KLF8: variants seen among roughly 807,000 people sequenced by gnomAD.
KLF8 encodes Krueppel-like factor 8.
KLF8 carries 10 observed loss-of-function variants against 18.2 expected under a neutral mutation model. That is an observed-to-expected ratio of 0.55 (90% CI 0.34 to 0.93). KLF8 has a LOEUF of 0.93. Ranked by LOEUF, KLF8 falls within the 40% of genes least tolerant of loss-of-function variation. The pLI is 0.02. For synonymous variants in KLF8, 109 were observed against 97.3 expected, an observed-to-expected ratio of 1.12 and a Z score of -0.71; for missense variants, 264 against 277.9, an observed-to-expected ratio of 0.95 and a Z score of 0.36.
chrX:56,124,339 C>A, the KLF8 span, among the ~76,000 whole-genome samples: 3 of 111,722 alleles, frequency 2.7e-5, no homozygotes, highest in African/African-American at 9.8e-5. Flanking sequence ...ATATTAGAAC[C>A]TCAGTCAGTT....
chrX:55,987,944 A>G, the KLF8 span, among the ~76,000 whole-genome samples: 1 of 112,242 alleles, frequency 8.9e-6, no homozygotes, highest in East Asian at 2.8e-4. Flanking sequence ...CATTTCTCTG[A>G]TGGCCAGTGA....
Position 56,289,363 on chromosome X carries a change from T to G in KLF8, c.*4869T>G, listed in dbSNP as rs2046558216. Among the ~76,000 whole-genome samples the G allele has an allele frequency of 9.0e-6, 1 of 111,188 alleles. No individual in the cohort carries two copies. The highest frequency in any genetic ancestry group is 3.3e-5 in the African/African-American group (1 of 30,527). ...TATAATCAGCCATTTCTTCAAGAAG[T>G]CCTGGTTTCTTTTACTGGAAAATTG... On this transcript the variant is annotated 3_prime_UTR_variant, in exon 6 of 6. Transcript: ENST00000468660.
chrX:56,013,479 G>A, the KLF8 span, among the ~76,000 whole-genome samples: 123 of 111,400 alleles, frequency 1.1e-3, 1 homozygote, highest in Non-Finnish European at 2.1e-3. Flanking sequence ...TGAAATGTGA[G>A]GACATGAGAT....
chrX:56,101,596 A>G, the KLF8 span, among the ~76,000 whole-genome samples: 1 of 112,039 alleles, frequency 8.9e-6, no homozygotes, highest in Non-Finnish European at 1.9e-5. Flanking sequence ...GTGTATAAGC[A>G]TTCCATTTTC....
chrX:56,087,930 T>C, the KLF8 span, among the ~76,000 whole-genome samples: 110 of 111,173 alleles, frequency 9.9e-4, no homozygotes, highest in Middle Eastern at 4.7e-3. Context: ...TTTTTTACCA[T>C]TAGTCAATTT....
chrX:56,222,091 C>T, the KLF8 span, among the ~76,000 whole-genome samples: 1 of 111,665 alleles, frequency 9.0e-6, no homozygotes, highest in Non-Finnish European at 1.9e-5. Flanking sequence ...CTGAGCTAGA[C>T]ACAGGGTGCC....
the KLF8 span, among the ~76,000 whole-genome samples, chrX:56,061,382 T>A: frequency 8.9e-6 from 1 of 111,870 alleles, no homozygotes; most frequent in East Asian, 2.8e-4. Context: ...TCTCATTGGT[T>A]TCGAAGAACT....
chrX:56,037,332 G>A, the KLF8 span, among the ~76,000 whole-genome samples: 7 of 110,544 alleles, frequency 6.3e-5, no homozygotes, highest in Admixed American at 1.9e-4. Context: ...TTTTGTTCAG[G>A]AATTTACATC....
At chrX:55,978,149 G>A in the KLF8 span, among the ~76,000 whole-genome samples, 1 of 110,680 alleles carries the variant, frequency 9.0e-6, no homozygotes, top group Non-Finnish European at 1.9e-5. Context: ...CTTGCCTTCT[G>A]TGTTTCCATT....
chrX:56,168,408 A>G, the KLF8 span, among the ~76,000 whole-genome samples: 1 of 112,668 alleles, frequency 8.9e-6, no homozygotes, highest in East Asian at 2.8e-4. Flanking sequence ...AAGATGACAA[A>G]AATAGATGGA....
At chrX:56,101,801 G>T in the KLF8 span, among the ~76,000 whole-genome samples, 1 of 111,513 alleles carries the variant, frequency 9.0e-6, no homozygotes, top group African/African-American at 3.3e-5. Flanking sequence ...AAGTTCATTT[G>T]ATATTTACTT....
the KLF8 span, among the ~76,000 whole-genome samples, chrX:56,064,157 G>A: frequency 1.2e-4 from 12 of 104,047 alleles, no homozygotes; most frequent in African/African-American, 1.8e-4. Flanking sequence ...GTGTGTGTGT[G>A]TATATATATA....
At chrX:55,991,387 C>T in the KLF8 span, among the ~76,000 whole-genome samples, 81 of 111,949 alleles carry the variant, frequency 7.2e-4, no homozygotes, top group Non-Finnish European at 3.2e-4. Flanking sequence ...GACTCGTTTC[C>T]AGTTGCCATC....
chrX:56,031,513 G>T, the KLF8 span, among the ~76,000 whole-genome samples: 8 of 111,723 alleles, frequency 7.2e-5, no homozygotes, highest in African/African-American at 1.6e-4. Context: ...CCACTGCTTT[G>T]GTCCTCCATG....
At chrX:56,015,085 C>T in the KLF8 span, 2 of 110,363 alleles carry the variant, frequency 1.8e-5, no homozygotes, top group African/African-American at 6.6e-5. Context: ...TGCAGCAAAC[C>T]ACCATGGCAC....
chrX:56,002,496 G>A, the KLF8 span, among the ~76,000 whole-genome samples: 1 of 110,281 alleles, frequency 9.1e-6, no homozygotes. Flanking sequence ...AGCTTCATGA[G>A]AGCAGGGACC....
chrX:56,074,281 T>A, the KLF8 span, among the ~76,000 whole-genome samples: 2 of 112,018 alleles, frequency 1.8e-5, no homozygotes, highest in African/African-American at 6.5e-5. Context: ...CAGAAGCTTC[T>A]AATTTTCATG....
chrX:56,145,307 T>G, the KLF8 span, among the ~76,000 whole-genome samples: 1 of 111,607 alleles, frequency 9.0e-6, no homozygotes, highest in Non-Finnish European at 1.9e-5. Flanking sequence ...AAATAACAAG[T>G]GTTGATGAGA....
chrX:55,992,243 A>T, the KLF8 span, among the ~76,000 whole-genome samples: 1 of 112,482 alleles, frequency 8.9e-6, no homozygotes, highest in Admixed American at 9.4e-5. Context: ...TTTTGCATTT[A>T]AGTCTTTAAT....
Sources: allele counts gnomAD v4.1 joint callset (sites outside exome capture counted in the v4.1 genomes callset), GRCh38; gene constraint gnomAD v4.1.1; transcripts MANE v1.5; gene names NCBI Gene and HGNC (gene_info 2026-07-23, HGNC 2026-07-21).